Variants in PCDHA1 observed in about 807,000 individuals in gnomAD.
The protein encoded by PCDHA1 is protocadherin alpha 1, also known as protocadherin alpha-1.
In PCDHA1, 42 loss-of-function variants were observed where a neutral mutation model predicts 61.3. The ratio of observed to expected loss-of-function variants is 0.69; its 90% CI spans 0.54 to 0.89. PCDHA1 has a LOEUF of 0.89. Ranked by LOEUF, PCDHA1 falls within the 40% of genes least tolerant of loss-of-function variation. The pLI is 0.00. For synonymous variants in PCDHA1, 610 were observed against 553.8 expected, an observed-to-expected ratio of 1.10 and a Z score of -1.43; for missense variants, 1,256 against 1,235.3, an observed-to-expected ratio of 1.02 and a Z score of -0.25.
rs1202814862 is a variant in PCDHA1 at position 140,851,185 on chromosome 5, A to C, written c.2394+62501A>C. On this transcript the variant is annotated intron_variant, in intron 1 of 3. Transcript: ENST00000504120. ...ATGCTGCCATAACACTTGAAAACCA[A>C]TTTAGTTGTTAGTCATTCATTAAAC... The C allele has an allele frequency of 2.4e-6, 3 of 1,237,650 alleles. No individual in the cohort carries two copies. In the African/African-American group the frequency reaches 4.7e-5, roughly 19 times the overall value. The allele number at this position is 1,237,650 out of a possible 1,614,324, so 76.7% of individuals were successfully genotyped here.
chr5:140,828,898 G>A, intron 1 of PCDHA1: 1 of 1,614,210 alleles, frequency 6.2e-7, no homozygotes, highest in Non-Finnish European at 8.5e-7. Flanking sequence ...CTTCTGATCG[G>A]GATGAAGGAG....
intron 1 of PCDHA1, among the ~76,000 whole-genome samples, chr5:140,939,735 G>A (rs2092448026): frequency 6.6e-6 from 1 of 152,174 alleles, no homozygotes; most frequent in South Asian, 2.1e-4. Flanking sequence ...GTGTGTAGCT[G>A]TGTATCATTC....
chr5:140,901,234 T>C (rs1013983503), intron 1 of PCDHA1, among the ~76,000 whole-genome samples: 1 of 152,156 alleles, frequency 6.6e-6, no homozygotes, highest in Non-Finnish European at 1.5e-5. Flanking sequence ...ATATATCCAT[T>C]TTTTTCCTTT....
chr5:140,849,924 G>A, intron 1 of PCDHA1: 1 of 1,598,310 alleles, frequency 6.3e-7, no homozygotes, highest in East Asian at 2.2e-5. Context: ...CATCTTCACG[G>A]TGTCTGCGCG....
At chr5:140,877,925 T>C in intron 1 of PCDHA1, 1 of 1,421,700 alleles carries the variant, frequency 7.0e-7, no homozygotes, top group Non-Finnish European at 9.2e-7. Flanking sequence ...TTTTTCTTTA[T>C]GATTCTATCC....
intron 1 of PCDHA1, among the ~76,000 whole-genome samples, chr5:140,874,611 C>T (rs1274309771): frequency 6.6e-6 from 1 of 152,220 alleles, no homozygotes; most frequent in African/African-American, 2.4e-5. Flanking sequence ...GAGGCTTCAA[C>T]TAAACATTTT....
rs1399480801 is a variant in PCDHA1, at chr5:140,951,947, C to T, written c.2395-27002C>T. On this transcript the variant is annotated intron_variant, in intron 1 of 3. Transcript: ENST00000504120. ...TTACTCCCAAGATACAGTGCGGGTA[C>T]AGGCATTGGGTAAATACTCCTGTTC... is the stretch of plus-strand genomic sequence containing the variant. 5.3e-5 allele frequency among the ~76,000 whole-genome samples: 8 copies of T among 152,250 alleles called. No individual in the cohort carries two copies. In the East Asian group the frequency reaches 1.5e-3, roughly 29 times the overall value.
chr5:140,928,834 T>G, intron 1 of PCDHA1: 3 of 1,614,178 alleles, frequency 1.9e-6, no homozygotes, highest in Non-Finnish European at 2.5e-6. Flanking sequence ...ACCACTTTCC[T>G]CCTCTGTCAC....
At chr5:140,975,876 A>G (rs573852863) in intron 1 of PCDHA1, among the ~76,000 whole-genome samples, 1 of 152,230 alleles carries the variant, frequency 6.6e-6, no homozygotes, top group South Asian at 2.1e-4. Context: ...TACCTAATTG[A>G]TTTTTTCCAC....
rs2150218754 is a variant in PCDHA1, at chr5:140,834,459, G to A, written c.2394+45775G>A. On this transcript the variant is annotated intron_variant, in intron 1 of 3. Transcript: ENST00000504120. ...TATTATAATTCTAGCAGCTTGGGAG[G>A]CAGGGAGAGGCCAGCTCCACTACTC... is the stretch of plus-strand genomic sequence containing the variant. 9.3e-6 allele frequency: 15 copies of A among 1,614,052 alleles called. No homozygotes were observed. The highest frequency in any genetic ancestry group is 1.7e-4 in the Middle Eastern group (1 of 6,058).
rs57130401 is a variant in PCDHA1, at chr5:140,838,077, AGTGTGTGTGTGTGTGT to A, written c.2394+49432_2394+49447del. On this transcript the variant is annotated intron_variant, in intron 1 of 3. Transcript: ENST00000504120. Reference sequence around the variant, plus strand: ...TTTCCACTTTAAGTTATATATATATAGTGTGTGTGTGTGTGTGTGTGTGTGTGTGTGTGTGTGTGTG... The same window carrying A: ...TTTCCACTTTAAGTTATATATATATAGTGTGTGTGTGTGTGTGTGTGTGTG... 1.6e-3 allele frequency among the ~76,000 whole-genome samples: 130 copies of A among 80,702 alleles called. 1 individual carries two copies. The highest frequency in any genetic ancestry group is 1.6e-3 in the Non-Finnish European group (64 of 41,166). 52.9% of individuals were successfully genotyped at this position (80,702 alleles called of 152,430 possible). A position where few individuals can be genotyped will look rare whatever the true frequency, so the allele number is the denominator to read the frequency against.
intron 3 of PCDHA1, among the ~76,000 whole-genome samples, chr5:140,991,686 A>G (rs2097465682): frequency 6.6e-6 from 1 of 152,196 alleles, no homozygotes; most frequent in Non-Finnish European, 1.5e-5. Context: ...AGTCCTCTCT[A>G]GTAGAGCCAT....
chr5:140,789,112 T>C (rs1761512255), intron 1 of PCDHA1, among the ~76,000 whole-genome samples: 1 of 152,238 alleles, frequency 6.6e-6, no homozygotes, highest in Non-Finnish European at 1.5e-5. Context: ...TGGCTAAGTT[T>C]CAAAGTGAAC....
At chr5:140,801,860 G>A (rs782551958) in intron 1 of PCDHA1, 1 of 1,614,088 alleles carries the variant, frequency 6.2e-7, no homozygotes, top group African/African-American at 1.3e-5. Flanking sequence ...GGAAACCAGA[G>A]CTCACTGGCA....
chr5:140,894,892 G>T (rs941698896), intron 1 of PCDHA1, among the ~76,000 whole-genome samples: 8 of 152,060 alleles, frequency 5.3e-5, no homozygotes, highest in Non-Finnish European at 1.0e-4. Flanking sequence ...AACAGACCAG[G>T]ATAATTTTCC....
intron 1 of PCDHA1, chr5:140,823,975 G>A: frequency 1.2e-6 from 2 of 1,614,062 alleles, no homozygotes; most frequent in Non-Finnish European, 1.7e-6. Context: ...GTGCACACGG[G>A]GCAAGCCCAC....
chr5:140,910,175 T>C (rs1296033470), intron 1 of PCDHA1, among the ~76,000 whole-genome samples: 1 of 152,240 alleles, frequency 6.6e-6, no homozygotes. Flanking sequence ...CCTCTGTTTT[T>C]ATAATTCAAA....
chr5:140,788,602 C>T lies in PCDHA1; in HGVS notation c.2312C>T (p.Ala771Val). ...GGCCCACCCAAGACCGACCTCATGG[C>T]CTTCAGCCCAGGCCTATCTCCAAGT... is the stretch of plus-strand genomic sequence containing the variant. ...SEGPPKTDLM[A>V]FSPGLSPSLN... The change falls in exon 1 of 4, where the codon GCC becomes GTC. Residue 771 changes from alanine (A) to valine (V), a missense_variant. Transcript: ENST00000504120. The T allele has an allele frequency of 6.2e-7, 1 of 1,614,122 alleles. No homozygotes were observed.
chr5:140,831,844 G>A (rs547068753), intron 1 of PCDHA1, among the ~76,000 whole-genome samples: 1 of 152,224 alleles, frequency 6.6e-6, no homozygotes, highest in South Asian at 2.1e-4. Context: ...TGATAGAATT[G>A]TCATAAAGCT....
Sources: gnomAD v4.1 joint callset for allele counts (sites outside exome capture counted in the v4.1 genomes callset) on GRCh38, gnomAD v4.1.1 for gene constraint, MANE v1.5 for transcripts, NCBI Gene and HGNC (gene_info 2026-07-23, HGNC 2026-07-21) for gene names.